Variants in ZDHHC14 observed in about 807,000 individuals in gnomAD.
ZDHHC14 encodes the protein palmitoyltransferase ZDHHC14.
In ZDHHC14, 16 loss-of-function variants were observed where a neutral mutation model predicts 47.7. The observed-to-expected ratio is 0.34, with a 90% CI of 0.23 to 0.51. The LOEUF is 0.51. Among genes scored for constraint, ZDHHC14 ranks in the 20% least tolerant of loss-of-function variants. The probability of loss-of-function intolerance (pLI) is 0.97; values close to 1 mark genes in which losing one functional copy is unlikely to be tolerated. For missense variants in ZDHHC14, 515 were observed against 662.5 expected, an observed-to-expected ratio of 0.78 and a Z score of 2.44; for synonymous variants, 293 against 278.9, an observed-to-expected ratio of 1.05 and a Z score of -0.50.
Position 157,645,750 on chromosome 6 carries a change from G to A in ZDHHC14, c.766G>A (p.Val256Met). The change falls in exon 6 of 9, where the codon GTG becomes ATG. Residue 256 changes from valine (V) to methionine (M), a missense_variant. Physicochemically the swap from Val to Met is conservative, Grantham distance 21. Around this residue, in one of 4 missense-constraint regions of ZDHHC14, gnomAD observed 229 missense variants for 351.5 expected, o/e 0.65. Transcript: ENST00000359775. ...KDSPASVLEA[V>M]VCFFSVWSIV... is the part of the protein sequence containing the mutation. ...GACTCGCATCACCGTCCTGGAGGCT[G>A]TGGTGTGCTTCTTCTCTGTCTGGTC... 6.2e-7 allele frequency: 1 copy of A among 1,614,008 alleles called. No homozygotes were observed. The highest frequency in any genetic ancestry group is 8.5e-7 in the Non-Finnish European group (1 of 1,179,996).
intron 3 of ZDHHC14, among the ~76,000 whole-genome samples, chr6:157,608,764 C>G (rs1246438390): frequency 6.6e-6 from 1 of 152,104 alleles, no homozygotes; most frequent in Non-Finnish European, 1.5e-5. Context: ...ATGCATGCTT[C>G]AAAAAGTGTC....
At chr6:157,459,307 A>T (rs979091170) in intron 1 of ZDHHC14, among the ~76,000 whole-genome samples, 6 of 152,190 alleles carry the variant, frequency 3.9e-5, no homozygotes, top group African/African-American at 1.4e-4. Context: ...TGACCATTTG[A>T]TGATGGCAGC....
At chr6:157,385,245 C>T (rs1344639370) in intron 1 of ZDHHC14, among the ~76,000 whole-genome samples, 1 of 152,064 alleles carries the variant, frequency 6.6e-6, no homozygotes, top group Admixed American at 6.5e-5. Flanking sequence ...TGCACCACCA[C>T]ACCCAGCCAA....
In ZDHHC14 at chr6:157,677,288, G is replaced by GTC. The variant is rs1164656473; in HGVS notation, c.*4177_*4178dup. On this transcript the variant is annotated 3_prime_UTR_variant, in exon 9 of 9. Coordinates refer to ENST00000359775, the MANE Select transcript of ZDHHC14 (RefSeq NM_024630.3). ...TGCCTCTCATTTGTTCCCTTAAAAC[G>GTC]TCTCTCTCTCTCATAAAACTAAGTT... The GTC allele has an allele frequency of 1.4e-5, 2 of 143,752 alleles. No homozygotes were observed. The highest frequency in any genetic ancestry group is 1.4e-4 in the Admixed American group (2 of 14,256). The allele number at this position is 143,752 out of a possible 1,614,324, so 8.9% of individuals were successfully genotyped here.
chr6:157,558,297 C>G (rs1050598720), intron 2 of ZDHHC14, among the ~76,000 whole-genome samples: 2 of 151,424 alleles, frequency 1.3e-5, no homozygotes, highest in Non-Finnish European at 1.5e-5. Flanking sequence ...AGGTGACATT[C>G]ATGTCCCCCT....
intron 2 of ZDHHC14, among the ~76,000 whole-genome samples, chr6:157,558,117 T>C (rs918603633): frequency 6.6e-6 from 1 of 152,260 alleles, no homozygotes; most frequent in African/African-American, 2.4e-5. Context: ...ATTTAAAGTA[T>C]TGAGATATGT....
chr6:157,649,025 C>T (rs754089656), intron 7 of ZDHHC14, among the ~76,000 whole-genome samples: 2 of 152,184 alleles, frequency 1.3e-5, no homozygotes, highest in Non-Finnish European at 2.9e-5. Flanking sequence ...CACAAACTGT[C>T]ACAACCAAAA....
At position 157,427,629 on chromosome 6, in the gene ZDHHC14, C is replaced by G. The variant is rs1488713472; in HGVS notation, c.245+45363C>G. Among the ~76,000 whole-genome samples the G allele has an allele frequency of 2.6e-5, 4 of 152,038 alleles. No homozygotes were observed. The highest frequency in any genetic ancestry group is 4.8e-5 in the African/African-American group (2 of 41,370). On this transcript the variant is annotated intron_variant, in intron 1 of 8. Transcript: ENST00000359775. The surrounding 1 kb of genome is among the most constrained non-coding windows in gnomAD (Gnocchi z 4.4). ...GGCTGGCAGAGATATGAGAGGAGAACAGAGGGGCCCGCAGGCAGAGGAACG... is the reference window on the plus strand; with the variant it reads ...GGCTGGCAGAGATATGAGAGGAGAAGAGAGGGGCCCGCAGGCAGAGGAACG...
intron 3 of ZDHHC14, among the ~76,000 whole-genome samples, chr6:157,617,223 G>C (rs1332424063): frequency 1.3e-5 from 2 of 152,144 alleles, no homozygotes; most frequent in Non-Finnish European, 2.9e-5. Flanking sequence ...AAAGTACACA[G>C]TACGGTGGTA....
chr6:157,560,006 T>C (rs1172265982), intron 2 of ZDHHC14, among the ~76,000 whole-genome samples: 2 of 152,194 alleles, frequency 1.3e-5, no homozygotes, highest in Non-Finnish European at 2.9e-5. Flanking sequence ...AGAAGCAATT[T>C]CTATGCATAC....
At chr6:157,597,437 G>T (rs565992207) in intron 3 of ZDHHC14, among the ~76,000 whole-genome samples, 1 of 152,352 alleles carries the variant, frequency 6.6e-6, no homozygotes, top group Non-Finnish European at 1.5e-5. Context: ...CGTATTTTTA[G>T]TACAGCCTAA....
intron 1 of ZDHHC14, among the ~76,000 whole-genome samples, chr6:157,485,370 A>G (rs371404777): frequency 1.3e-5 from 2 of 152,204 alleles, no homozygotes; most frequent in Admixed American, 1.3e-4. Flanking sequence ...ACGAGGAAGT[A>G]TAGGAGCAAG....
At chr6:157,559,225 G>A (rs1260171592) in intron 2 of ZDHHC14, among the ~76,000 whole-genome samples, 1 of 152,194 alleles carries the variant, frequency 6.6e-6, no homozygotes, top group Non-Finnish European at 1.5e-5. Context: ...TGTGGTGGTC[G>A]GCCATCTCTC....
intron 1 of ZDHHC14, among the ~76,000 whole-genome samples, chr6:157,488,976 CTCTGTTTTT>C (rs1779847051): frequency 1.3e-5 from 2 of 152,186 alleles, no homozygotes; most frequent in Non-Finnish European, 2.9e-5. Context: ...AGAGTTGTTA[CTCTGTTTTT>C]AATGGATTTA....
chr6:157,400,234 C>G (rs112851331), intron 1 of ZDHHC14, among the ~76,000 whole-genome samples: 26 of 152,346 alleles, frequency 1.7e-4, no homozygotes, highest in African/African-American at 6.3e-4. Context: ...CCACCAGCCA[C>G]AGCTCTGCAG....
intron 1 of ZDHHC14, among the ~76,000 whole-genome samples, chr6:157,410,844 A>G (rs1984538): frequency 0.86 from 131,042 of 151,844 alleles, 56,728 homozygotes; most frequent in Middle Eastern, 0.95. Context: ...TTACAGGCAC[A>G]CGCCACCACA....
intron 1 of ZDHHC14, among the ~76,000 whole-genome samples, chr6:157,498,576 T>C (rs947964863): frequency 1.3e-5 from 2 of 152,218 alleles, no homozygotes; most frequent in Non-Finnish European, 2.9e-5. Context: ...CAGATATTAT[T>C]ATCATTGCAC....
chr6:157,522,938 T>C lies in ZDHHC14; in HGVS notation c.246-19647T>C, dbSNP rs186876496. Among the ~76,000 whole-genome samples the C allele has an allele frequency of 5.6e-5, 3 of 53,920 alleles. 1 individual carries two copies. Among genetic ancestry groups the C allele is most frequent in the African/African-American group, 3.9e-4 (3 of 7,596 alleles). The allele number at this position is 53,920 out of a possible 152,430, so 35.4% of individuals were successfully genotyped here. ...CTTCCTTCCTTTCTTTCTTTCTTTCTTTCTTTCCTTCCTTCCTTCCTTCTT... is the reference window on the plus strand; with the variant it reads ...CTTCCTTCCTTTCTTTCTTTCTTTCCTTCTTTCCTTCCTTCCTTCCTTCTT... On this transcript the variant is annotated intron_variant, in intron 1 of 8. Transcript: ENST00000359775.
chr6:157,569,843 A>G (rs1749907904), intron 2 of ZDHHC14, among the ~76,000 whole-genome samples: 1 of 152,076 alleles, frequency 6.6e-6, no homozygotes, highest in Admixed American at 6.5e-5. Context: ...TCTGTTTCAA[A>G]GGAGACATTG....
Sources: allele counts gnomAD v4.1 joint callset (sites outside exome capture counted in the v4.1 genomes callset), GRCh38; gene constraint gnomAD v4.1.1; regional missense constraint gnomAD v4.1.1; non-coding constraint Gnocchi (gnomAD v3.1); transcripts MANE v1.5; gene names NCBI Gene and HGNC (gene_info 2026-07-23, HGNC 2026-07-21).